Variants in GRM5 observed in about 807,000 individuals in gnomAD.
GRM5 encodes glutamate metabotropic receptor 5, also known as metabotropic glutamate receptor 5.
A neutral mutation model predicts 83.1 loss-of-function variants in GRM5; 19 were observed. That is an observed-to-expected ratio of 0.23 (90% CI 0.16 to 0.34). The LOEUF (loss-of-function observed/expected upper bound fraction) is 0.34, where lower values mean the gene tolerates loss of function less well. Ranked by LOEUF, GRM5 falls within the 10% of genes least tolerant of loss-of-function variation. The probability of loss-of-function intolerance (pLI) is 1.00; values close to 1 mark genes in which losing one functional copy is unlikely to be tolerated. For missense variants in GRM5, 1,160 were observed against 1,588.3 expected (o/e 0.73, Z 4.58); for synonymous variants, 675 against 633.6 (o/e 1.07, Z -0.98).
chr11:89,023,478 A>G (rs1363211545), intron 2 of GRM5, among the ~76,000 whole-genome samples: 2 of 152,130 alleles, frequency 1.3e-5, no homozygotes, highest in Admixed American at 1.3e-4. Flanking sequence ...AGTCCCAGAC[A>G]TACCAGGGTC....
intron 2 of GRM5, among the ~76,000 whole-genome samples, chr11:88,925,059 A>T (rs1945762760): frequency 6.6e-6 from 1 of 152,092 alleles, no homozygotes; most frequent in African/African-American, 2.4e-5. Context: ...GTTTTTATTA[A>T]AATTATGTAG....
chr11:88,662,702 T>C (rs1336028098), intron 3 of GRM5, among the ~76,000 whole-genome samples: 1 of 152,148 alleles, frequency 6.6e-6, no homozygotes, highest in Non-Finnish European at 1.5e-5. Context: ...ATGAGAGAGC[T>C]AGAGGAGAAT....
intron 2 of GRM5, among the ~76,000 whole-genome samples, chr11:88,949,588 T>C (rs1008826638): frequency 2.0e-5 from 3 of 152,234 alleles, no homozygotes; most frequent in Non-Finnish European, 2.9e-5. Flanking sequence ...GGGCAATTTA[T>C]GAAGTAAGAG....
At chr11:88,959,803 T>A (rs1485554450) in intron 2 of GRM5, among the ~76,000 whole-genome samples, 1 of 152,220 alleles carries the variant, frequency 6.6e-6, no homozygotes, top group African/African-American at 2.4e-5. Context: ...GTCAGTGTAT[T>A]GCTAAAAATC....
chr11:88,657,276 A>AC (rs1939787899), intron 3 of GRM5, among the ~76,000 whole-genome samples: 1 of 152,194 alleles, frequency 6.6e-6, no homozygotes, highest in African/African-American at 2.4e-5. Flanking sequence ...ATAGAACATT[A>AC]CTGTGAATGA....
chr11:88,832,035 A>T (rs1168846753), intron 3 of GRM5, among the ~76,000 whole-genome samples: 1 of 152,190 alleles, frequency 6.6e-6, no homozygotes, highest in Non-Finnish European at 1.5e-5. Context: ...CCAGCAAAAC[A>T]TCACTACAGA....
intron 6 of GRM5, among the ~76,000 whole-genome samples, chr11:88,593,805 T>C (rs2135213136): frequency 1.3e-5 from 2 of 149,126 alleles, no homozygotes; most frequent in Admixed American, 1.4e-4. Flanking sequence ...TTTCTCTTTC[T>C]TTCTTTTTGA....
intron 3 of GRM5, among the ~76,000 whole-genome samples, chr11:88,804,550 C>G (rs1036595491): frequency 6.6e-6 from 1 of 151,438 alleles, no homozygotes; most frequent in Non-Finnish European, 1.5e-5. Flanking sequence ...GTGGCGGGAG[C>G]GGGGAGGGAT....
At chr11:88,827,816 C>G (rs1499185) in intron 3 of GRM5, among the ~76,000 whole-genome samples, 70,186 of 152,018 alleles carry the variant, frequency 0.46, 18,480 homozygotes, top group East Asian at 0.76. Context: ...AGCTTACCTT[C>G]TAGCATAGAC....
chr11:88,901,882 C>G (rs1235848136), intron 2 of GRM5, among the ~76,000 whole-genome samples: 1 of 152,096 alleles, frequency 6.6e-6, no homozygotes, highest in Non-Finnish European at 1.5e-5. Context: ...AATGCTTCAA[C>G]TTTGTTTTCC....
chr11:89,000,140 A>C (rs2135067354), intron 2 of GRM5, among the ~76,000 whole-genome samples: 1 of 152,080 alleles, frequency 6.6e-6, no homozygotes, highest in South Asian at 2.1e-4. Flanking sequence ...CTAATGCTAA[A>C]TGAGGAGTTA....
intron 2 of GRM5, among the ~76,000 whole-genome samples, chr11:88,893,413 G>A (rs1271483537): frequency 2.6e-5 from 4 of 151,950 alleles, no homozygotes; most frequent in Non-Finnish European, 5.9e-5. Context: ...TACAAGGATG[G>A]TAAATACCTG....
chr11:88,973,147 T>G (rs1488355322), intron 2 of GRM5, among the ~76,000 whole-genome samples: 1 of 152,130 alleles, frequency 6.6e-6, no homozygotes, highest in Non-Finnish European at 1.5e-5. Context: ...AAAATGTAAG[T>G]GGGGTCTGTG....
In GRM5 at chr11:88,506,293, C is replaced by T. The variant is rs1185052761; in HGVS notation, c.*2299G>A. On this transcript the variant is annotated 3_prime_UTR_variant, in exon 10 of 10. Coordinates refer to ENST00000305447, the MANE Select transcript of GRM5 (RefSeq NM_001143831.3). Reference sequence around the variant, plus strand: ...AGTTTAAACATGTTCTTCAACTGGTCTAGAGTGAAACGTATTGTACTTGAG... The same window carrying T: ...AGTTTAAACATGTTCTTCAACTGGTTTAGAGTGAAACGTATTGTACTTGAG... 1 of 152,018 alleles carries T rather than the reference C, an allele frequency of 6.6e-6. No individual in the cohort carries two copies. Among genetic ancestry groups the T allele is most frequent in the Non-Finnish European group, 1.5e-5 (1 of 67,988 alleles). The allele number at this position is 152,018 out of a possible 1,614,324, so 9.4% of individuals were successfully genotyped here. A position where few individuals can be genotyped will look rare whatever the true frequency, so the allele number is the denominator to read the frequency against.
At chr11:88,570,757 C>T (rs1476596444) in intron 7 of GRM5, among the ~76,000 whole-genome samples, 1 of 150,242 alleles carries the variant, frequency 6.7e-6, no homozygotes, top group South Asian at 2.1e-4. Flanking sequence ...TTAGTAGAGA[C>T]GGGATTTCAC....
At chr11:88,580,919 C>T (rs1006965297) in intron 7 of GRM5, among the ~76,000 whole-genome samples, 9 of 152,092 alleles carry the variant, frequency 5.9e-5, no homozygotes, top group Admixed American at 5.9e-4. Context: ...GGCGGCCTGA[C>T]TAACAAGGTG....
In GRM5 at chr11:88,882,769, G is replaced by A. The variant is rs151115969; in HGVS notation, c.662-32614C>T. On this transcript the variant is annotated intron_variant, in intron 2 of 9. Coordinates refer to ENST00000305447, the MANE Select transcript of GRM5 (RefSeq NM_001143831.3). ...AATTATTTGTATTTCCATATGACAAGGTTTGGCTGTGTTCCCACCCAAATC... is the reference window on the plus strand; with the variant it reads ...AATTATTTGTATTTCCATATGACAAAGTTTGGCTGTGTTCCCACCCAAATC... 7.8e-3 allele frequency among the ~76,000 whole-genome samples: 1,184 copies of A among 152,108 alleles called. 5 individuals are homozygous for A. The highest frequency in any genetic ancestry group is 0.014 in the Middle Eastern group (4 of 294).
intron 2 of GRM5, among the ~76,000 whole-genome samples, chr11:88,999,322 T>G (rs1940293552): frequency 6.6e-6 from 1 of 151,810 alleles, no homozygotes. Context: ...TGGGAGAAAA[T>G]TTTTGCAACC....
intron 2 of GRM5, among the ~76,000 whole-genome samples, chr11:89,009,292 T>C (rs1940615822): frequency 6.6e-6 from 1 of 152,204 alleles, no homozygotes; most frequent in Admixed American, 6.5e-5. Flanking sequence ...CCTTCTTTGG[T>C]ATTCCTTAAC....
Sources: allele counts gnomAD v4.1 joint callset (sites outside exome capture counted in the v4.1 genomes callset), GRCh38; gene constraint gnomAD v4.1.1; transcripts MANE v1.5; gene names NCBI Gene and HGNC (gene_info 2026-07-23, HGNC 2026-07-21).